OR8B8: variants seen among roughly 807,000 people sequenced by gnomAD.
OR8B8 encodes olfactory receptor 8B8.
A neutral mutation model predicts 10.5 loss-of-function variants in OR8B8; 8 were observed. That is an observed-to-expected ratio of 0.76 (90% CI 0.45 to 1.38). OR8B8 has a LOEUF of 1.38. OR8B8 is among the 40% of genes most tolerant of loss of function. OR8B8 has a pLI of 0.00. For synonymous variants in OR8B8, 150 were observed against 145.2 expected (o/e 1.03, Z -0.24); for missense variants, 390 against 380.5 (o/e 1.03, Z -0.21).
intron 2 of OR8B8, 54 bp from the exon 3 acceptor site, chr11:124,441,155 C>G: frequency 8.8e-7 from 1 of 1,137,582 alleles, no homozygotes; most frequent in South Asian, 1.5e-5. Flanking sequence ...CACTGCTGCC[C>G]TCCCAGTCAT....
rs1000497890 is a variant in OR8B8, at chr11:124,439,943, C to T, written c.*207G>A. On this transcript the variant is annotated 3_prime_UTR_variant, in exon 3 of 3. Transcript: ENST00000642064. ...AGGTACATAAGCTTGAGTCTATCCT[C>T]AGAAATAGCGGGGAACTGAGTGAAA... 7 of 553,252 alleles carry T rather than the reference C, an allele frequency of 1.3e-5. No individual in the cohort carries two copies. Among genetic ancestry groups the T allele is most frequent in the South Asian group, 5.2e-5 (2 of 38,118 alleles). The allele number at this position is 553,252 out of a possible 1,614,324, so 34.3% of individuals were successfully genotyped here. A position where few individuals can be genotyped will look rare whatever the true frequency, so the allele number is the denominator to read the frequency against.
chr11:124,443,280 A>T (rs1023650983), intron 1 of OR8B8, among the ~76,000 whole-genome samples: 2 of 152,290 alleles, frequency 1.3e-5, no homozygotes, highest in East Asian at 3.9e-4. Context: ...TTGTGCATCA[A>T]CCCTGGAATA....
At chr11:124,441,258 G>A (rs374036402) in intron 2 of OR8B8, 157 bp from the exon 3 acceptor site, 56 of 594,394 alleles carry the variant, frequency 9.4e-5, no homozygotes, top group Middle Eastern at 8.9e-4. Context: ...AGCAAGCCCC[G>A]CCTCCATGGC....
Position 124,440,933 on chromosome 11 carries a change from G to T in OR8B8, c.153C>A (p.Leu51=). 3 of 1,614,146 alleles carry T rather than the reference G, an allele frequency of 1.9e-6. No homozygotes were observed. The highest frequency in any genetic ancestry group is 2.5e-6 in the Non-Finnish European group (3 of 1,180,038). Residue 51 remains leucine, a synonymous_variant, in exon 3 of 3, where the codon CTC becomes CTA. Coordinates refer to ENST00000642064, the MANE Select transcript of OR8B8 (RefSeq NM_012378.2). ...ACATAGGGGTGTGCAAGTGAGAGTT[G>T]AGCCTTATCAGGGTTATCAAGCCCA... ...GNLGLITLIR[L]NSHLHTPMYF... is the part of the protein sequence containing the mutation.
chr11:124,440,047 G>T lies in OR8B8; in HGVS notation c.*103C>A. On this transcript the variant is annotated 3_prime_UTR_variant, in exon 3 of 3. Coordinates refer to ENST00000642064, the MANE Select transcript of OR8B8 (RefSeq NM_012378.2). The stretch of plus-strand genomic sequence containing the variant: ...ATTAAAGAACCCTTAAAATGGGGAT[G>T]ATGAACCTGTTTGAGGAAAAATTAT... The T allele has an allele frequency of 1.1e-6, 1 of 870,674 alleles. No homozygotes were observed. Among genetic ancestry groups the T allele is most frequent in the Non-Finnish European group, 1.8e-6 (1 of 569,128 alleles). The allele number at this position is 870,674 out of a possible 1,614,324, so 53.9% of individuals were successfully genotyped here.
At chr11:124,443,078 G>GACCCTATTGATCTGGATGTTTA (rs1555075861) in intron 1 of OR8B8, among the ~76,000 whole-genome samples, 1 of 48,508 alleles carries the variant, frequency 2.1e-5, no homozygotes, top group African/African-American at 1.1e-4. Flanking sequence ...AGGCAGGTTT[G>GACCCTATTGATCTGGATGTTTA]GGATTCAATG....
At position 124,439,200 on chromosome 11, in the gene OR8B8, C is replaced by A. The variant is rs74958174; in HGVS notation, c.*950G>T. 0.039 allele frequency: 5,930 copies of A among 152,422 alleles called. 375 individuals carry two copies. The highest frequency in any genetic ancestry group is 0.13 in the African/African-American group (5,386 of 41,530). 9.4% of individuals were successfully genotyped at this position (152,422 alleles called of 1,614,324 possible). A position where few individuals can be genotyped will look rare whatever the true frequency, so the allele number is the denominator to read the frequency against. ...ATTCTCCAGATCCATAACTGACCAC[C>A]CTAGGCGGTGGACTTCTCCATCTTG... On this transcript the variant is annotated 3_prime_UTR_variant, in exon 3 of 3. Coordinates refer to ENST00000642064, the MANE Select transcript of OR8B8 (RefSeq NM_012378.2).
At position 124,439,794 on chromosome 11, in the gene OR8B8, T is replaced by G; in HGVS notation, c.*356A>C. On this transcript the variant is annotated 3_prime_UTR_variant, in exon 3 of 3. Coordinates refer to ENST00000642064, the MANE Select transcript of OR8B8 (RefSeq NM_012378.2). ...ATCCTAGGCCAGCTCACATTTGAAA[T>G]GAAATCTTCCAGAGGCTGAGGGAGG... is the stretch of plus-strand genomic sequence containing the variant. The G allele has an allele frequency of 5.1e-6, 1 of 195,916 alleles. No individual in the cohort carries two copies. Among genetic ancestry groups the G allele is most frequent in the Non-Finnish European group, 1.0e-5 (1 of 95,412 alleles). The allele number at this position is 195,916 out of a possible 1,614,324, so 12.1% of individuals were successfully genotyped here. A position where few individuals can be genotyped will look rare whatever the true frequency, so the allele number is the denominator to read the frequency against.
intron 1 of OR8B8, among the ~76,000 whole-genome samples, 184 bp downstream of exon 1, chr11:124,445,392 A>G (rs966020543): frequency 2.0e-5 from 3 of 152,194 alleles, no homozygotes; most frequent in Non-Finnish European, 4.4e-5. Flanking sequence ...TGAGAGGTAC[A>G]TTTTGGTCAG....
intron 1 of OR8B8, among the ~76,000 whole-genome samples, chr11:124,445,133 C>G (rs1861515373): frequency 6.6e-6 from 1 of 152,188 alleles, no homozygotes; most frequent in Non-Finnish European, 1.5e-5. Context: ...CATCTCTAGT[C>G]TCCTAGTCTC....
Position 124,440,716 on chromosome 11 carries a change from C to A in OR8B8, c.370G>T (p.Val124Leu). 3 of 1,614,138 alleles carry A rather than the reference C, an allele frequency of 1.9e-6. No homozygotes were observed. Among genetic ancestry groups the A allele is most frequent in the Non-Finnish European group, 2.5e-6 (3 of 1,180,024 alleles). ...ILSAMAYDRY[V>L]AICNPLLYMV... ...TACAACAGTGGGTTACAGATGGCCA[C>A]ATAGCGGTCATACGCCATTGCTGAC... The change falls in exon 3 of 3, where the codon GTG becomes TTG. Residue 124 changes from valine to leucine, a missense_variant. Coordinates refer to ENST00000642064, the MANE Select transcript of OR8B8 (RefSeq NM_012378.2).
chr11:124,441,950 T>C (rs138582610), intron 1 of OR8B8, among the ~76,000 whole-genome samples: 267 of 152,332 alleles, frequency 1.8e-3, no homozygotes, highest in African/African-American at 3.8e-3. Flanking sequence ...TTGAATGGGC[T>C]TTTAGAAACA....
rs1861424621 is a variant in OR8B8 at position 124,438,100 on chromosome 11, T to C, written c.*2050A>G. ...TGGCATCTAATTCACTTAATACCTCTGAGAAAAACGTTTTTAAAGATGAAG... is the reference window on the plus strand; with the variant it reads ...TGGCATCTAATTCACTTAATACCTCCGAGAAAAACGTTTTTAAAGATGAAG... On this transcript the variant is annotated 3_prime_UTR_variant, in exon 3 of 3. Coordinates refer to ENST00000642064, the MANE Select transcript of OR8B8 (RefSeq NM_012378.2). 1 of 152,042 alleles carries C rather than the reference T, an allele frequency of 6.6e-6. No homozygotes were observed. The highest frequency in any genetic ancestry group is 2.1e-4 in the South Asian group (1 of 4,792). The allele number at this position is 152,042 out of a possible 1,614,324, so 9.4% of individuals were successfully genotyped here.
chr11:124,440,865 G>C lies in OR8B8; in HGVS notation c.221C>G (p.Ser74Cys), dbSNP rs267602760. Residue 74 changes from serine to cysteine, a missense_variant, in exon 3 of 3, where the codon TCC becomes TGC. Coordinates refer to ENST00000642064, the MANE Select transcript of OR8B8 (RefSeq NM_012378.2). ...YNLSFIDFCYSSVITPKMLMS... is the reference protein window; with the variant it reads ...YNLSFIDFCYCSVITPKMLMS... ...CAGCATTTTGGGAGTGATAACACTG[G>C]AATAGCAGAAATCTATGAAGGACAA... 6.2e-7 allele frequency: 1 copy of C among 1,614,168 alleles called. No individual in the cohort carries two copies. The highest frequency in any genetic ancestry group is 1.1e-5 in the South Asian group (1 of 91,074).
At chr11:124,444,598 A>G (rs1291690998) in intron 1 of OR8B8, among the ~76,000 whole-genome samples, 1 of 152,156 alleles carries the variant, frequency 6.6e-6, no homozygotes, top group Non-Finnish European at 1.5e-5. Context: ...AGCTCACAAA[A>G]TGTTCATTAA....
Position 124,440,463 on chromosome 11 carries a change from C to T in OR8B8, c.623G>A (p.Gly208Asp). The T allele has an allele frequency of 6.2e-7, 1 of 1,614,108 alleles. No homozygotes were observed. The highest frequency in any genetic ancestry group is 8.5e-7 in the Non-Finnish European group (1 of 1,180,000). ...VVFVVVGIDI[G>D]VPTVTIFISY... Reference sequence around the variant, plus strand: ...AATGAAGATGGTGACTGTGGGCACACCAATATCAATGCCCACAACAACAAA... The same window carrying T: ...AATGAAGATGGTGACTGTGGGCACATCAATATCAATGCCCACAACAACAAA... The change falls in exon 3 of 3, where the codon GGT becomes GAT. Residue 208 changes from glycine to aspartate, a missense_variant. Transcript: ENST00000642064.
At position 124,439,598 on chromosome 11, in the gene OR8B8, C is replaced by T. The variant is rs926820998; in HGVS notation, c.*552G>A. 1.9e-5 allele frequency: 3 copies of T among 155,626 alleles called. No individual in the cohort carries two copies. Among genetic ancestry groups the T allele is most frequent in the Non-Finnish European group, 2.8e-5 (2 of 70,296 alleles). The allele number at this position is 155,626 out of a possible 1,614,324, so 9.6% of individuals were successfully genotyped here. ...ACATGCTGCTCCCTGGGTCCTAACA[C>T]ACTTCCCCTGCACCTTCTTCAAAAT... On this transcript the variant is annotated 3_prime_UTR_variant, in exon 3 of 3. Transcript: ENST00000642064.
Position 124,442,704 on chromosome 11 carries a change from C to T in OR8B8, c.-152-1081G>A, listed in dbSNP as rs746318081. Among the ~76,000 whole-genome samples the T allele has an allele frequency of 5.8e-4, 89 of 152,222 alleles. 1 individual carries two copies. The highest frequency in any genetic ancestry group is 3.4e-3 in the Middle Eastern group (1 of 294). Reference sequence around the variant, plus strand: ...TGTAGCTTGATTCTCCTTCTTCCCACGGGATATTTGCTTTCTCGTTTTGCT... The same window carrying T: ...TGTAGCTTGATTCTCCTTCTTCCCATGGGATATTTGCTTTCTCGTTTTGCT... On this transcript the variant is annotated intron_variant, in intron 1 of 2. Coordinates refer to ENST00000642064, the MANE Select transcript of OR8B8 (RefSeq NM_012378.2).
rs914454889 is a variant in OR8B8, at chr11:124,437,628, G to A, written c.*2522C>T. The A allele has an allele frequency of 2.7e-5, 1 of 37,004 alleles. No homozygotes were observed. The highest frequency in any genetic ancestry group is 5.3e-5 in the Non-Finnish European group (1 of 18,768). The allele number at this position is 37,004 out of a possible 1,614,324, so 2.3% of individuals were successfully genotyped here. A position where few individuals can be genotyped will look rare whatever the true frequency, so the allele number is the denominator to read the frequency against. ...GTGGGGGAGGTCTCTCTCAGACTTT[G>A]TGTGTGTGTGTGTGTGTGTGTGTGT... On this transcript the variant is annotated 3_prime_UTR_variant, in exon 3 of 3. Transcript: ENST00000642064.
Sources: allele counts gnomAD v4.1 joint callset (sites outside exome capture counted in the v4.1 genomes callset), GRCh38; gene constraint gnomAD v4.1.1; transcripts MANE v1.5; gene names NCBI Gene and HGNC (gene_info 2026-07-23, HGNC 2026-07-21).